Variants in PRKACA observed in about 807,000 individuals in gnomAD.
PRKACA encodes protein kinase cAMP-activated catalytic subunit alpha.
A neutral mutation model predicts 45.8 loss-of-function variants in PRKACA; 9 were observed. That is an observed-to-expected ratio of 0.20 (90% CI 0.12 to 0.34). PRKACA has a LOEUF of 0.34. Ranked by LOEUF, PRKACA falls within the 10% of genes least tolerant of loss-of-function variation. The probability of loss-of-function intolerance (pLI) is 1.00; values close to 1 mark genes in which losing one functional copy is unlikely to be tolerated. For missense variants in PRKACA, 238 were observed against 458.6 expected, an observed-to-expected ratio of 0.52 and a Z score of 4.39; for synonymous variants, 160 against 178.6, an observed-to-expected ratio of 0.90 and a Z score of 0.83.
At chr19:14,113,059 T>C (rs1967014513) in intron 1 of PRKACA, among the ~76,000 whole-genome samples, 1 of 152,156 alleles carries the variant, frequency 6.6e-6, no homozygotes, top group East Asian at 1.9e-4. Flanking sequence ...AGAAAATGGG[T>C]ATATCTGACT....
At position 14,107,659 on chromosome 19, in the gene PRKACA, G is replaced by A. The variant is rs374374343; in HGVS notation, c.47-250C>T. ...TCTCAGGGGTCACTCGCAGGGGAAC[G>A]GAGGGAGGTGCCCAGGCAGACCAGC... is the stretch of plus-strand genomic sequence containing the variant. On this transcript the variant is annotated intron_variant, in intron 1 of 9. Transcript: ENST00000308677. The A allele has an allele frequency of 1.7e-5, 23 of 1,315,680 alleles. No individual in the cohort carries two copies. The African/African-American group carries it at 2.2e-4, about 13-fold the overall frequency. 81.5% of individuals were successfully genotyped at this position (1,315,680 alleles called of 1,614,324 possible).
chr19:14,107,817 T>C, intron 1 of PRKACA: 3 of 998,420 alleles, frequency 3.0e-6, no homozygotes, highest in Non-Finnish European at 3.6e-6. Flanking sequence ...GATGGAGGCC[T>C]CGGGGGCTCG....
intron 2 of PRKACA, 47 bp downstream of exon 2, chr19:14,107,301 G>T (rs1487006735): frequency 6.4e-7 from 1 of 1,564,170 alleles, no homozygotes; most frequent in East Asian, 2.2e-5. Flanking sequence ...CAGGGGCTGG[G>T]GGTTAGCAGC....
intron 9 of PRKACA, 108 bp from the exon 10 acceptor site, chr19:14,093,345 C>T: frequency 7.1e-7 from 1 of 1,401,000 alleles, no homozygotes; most frequent in Non-Finnish European, 9.8e-7. Flanking sequence ...CTGACTCAGG[C>T]CTGTGCTTAC....
intron 1 of PRKACA, among the ~76,000 whole-genome samples, chr19:14,116,052 G>A (rs998311044): frequency 2.0e-5 from 3 of 152,156 alleles, no homozygotes; most frequent in African/African-American, 7.2e-5. Flanking sequence ...ATTTGAATCC[G>A]TATGGGAATA....
intron 8 of PRKACA, among the ~76,000 whole-genome samples, chr19:14,094,447 C>T (rs1230282968): frequency 6.6e-6 from 1 of 152,228 alleles, no homozygotes; most frequent in African/African-American, 2.4e-5. Context: ...CCTTGGCCTC[C>T]CAAAGTGTTG....
intron 2 of PRKACA, 111 bp downstream of exon 2, chr19:14,107,237 T>C: frequency 8.4e-7 from 1 of 1,183,454 alleles, no homozygotes; most frequent in Non-Finnish European, 1.2e-6. Flanking sequence ...ATGGGGAGGG[T>C]CTGAAGCCTT....
In PRKACA at chr19:14,093,107, T is replaced by C. The variant is rs1363059179; in HGVS notation, c.*5A>G. The C allele has an allele frequency of 6.7e-7, 1 of 1,490,846 alleles. No homozygotes were observed. The highest frequency in any genetic ancestry group is 2.0e-5 in the Admixed American group (1 of 50,894). The allele number at this position is 1,490,846 out of a possible 1,614,324, so 92.4% of individuals were successfully genotyped here. ...AAGAAAACCCATGGGGGCACAGGCA[T>C]GCCCCTAAAACTCAGAAAACTCCTT... is the stretch of plus-strand genomic sequence containing the variant. On this transcript the variant is annotated 3_prime_UTR_variant, in exon 10 of 10. Transcript: ENST00000308677.
At chr19:14,095,999 C>T (rs1012008954) in intron 8 of PRKACA, among the ~76,000 whole-genome samples, 1 of 150,384 alleles carries the variant, frequency 6.6e-6, no homozygotes, top group African/African-American at 2.5e-5. Context: ...GCTGGGAACA[C>T]AGGGGTGCAC....
chr19:14,106,964 TCTGCCACC>T, intron 2 of PRKACA, 76 bp from the exon 3 acceptor site: 1 of 1,566,174 alleles, frequency 6.4e-7, no homozygotes, highest in Non-Finnish European at 8.6e-7. Flanking sequence ...GGGCATCCCC[TCTGCCACC>T]GGCAGAGGGG....
At chr19:14,113,244 T>C (rs887881514) in intron 1 of PRKACA, among the ~76,000 whole-genome samples, 1 of 151,938 alleles carries the variant, frequency 6.6e-6, no homozygotes, top group Non-Finnish European at 1.5e-5. Flanking sequence ...ACCATCTTCC[T>C]CCTTCTTTCC....
rs542473678 is a variant in PRKACA at position 14,094,510 on chromosome 19, A to C, written c.766-718T>G. On this transcript the variant is annotated intron_variant, in intron 8 of 9. Transcript: ENST00000308677. ...GGCCCAAGAATCTGCATTTCTAACA[A>C]ATTCCCCAGCAATGGTGCTGCTGGA... Among the ~76,000 whole-genome samples the C allele has an allele frequency of 2.0e-5, 3 of 152,148 alleles. 1 individual carries two copies. In the South Asian group the frequency reaches 6.2e-4, roughly 32 times the overall value.
chr19:14,110,401 C>T (rs1966932842), intron 1 of PRKACA, among the ~76,000 whole-genome samples: 1 of 151,600 alleles, frequency 6.6e-6, no homozygotes, highest in South Asian at 2.1e-4. Context: ...AACATCAAAA[C>T]CCTCTACAAA....
chr19:14,112,427 A>T, intron 1 of PRKACA: 1 of 150,832 alleles, frequency 6.6e-6, no homozygotes, highest in East Asian at 1.9e-4. Flanking sequence ...CCACAGCTGG[A>T]AGGTGGTCTC....
intron 4 of PRKACA, 27 bp downstream of exon 4, chr19:14,102,789 C>A: frequency 3.1e-6 from 5 of 1,590,434 alleles, no homozygotes; most frequent in Non-Finnish European, 4.3e-6. Context: ...TGCAGTGACC[C>A]CCCGCCCTTG....
chr19:14,108,734 ATTTTTTT>A (rs1045155976), intron 1 of PRKACA, among the ~76,000 whole-genome samples: 1 of 131,648 alleles, frequency 7.6e-6, no homozygotes, highest in Non-Finnish European at 1.6e-5. Context: ...AATTATTATT[ATTTTTTT>A]TTTTGAGATG....
At chr19:14,107,972 C>G (rs1977662954) in intron 1 of PRKACA, 1 of 986,166 alleles carries the variant, frequency 1.0e-6, no homozygotes, top group African/African-American at 1.7e-5. Context: ...CCATGGTATC[C>G]CAAGGTGAAC....
chr19:14,100,034 G>A (rs1429259521), intron 5 of PRKACA, among the ~76,000 whole-genome samples: 1 of 151,722 alleles, frequency 6.6e-6, no homozygotes, highest in Non-Finnish European at 1.5e-5. Flanking sequence ...TAGTAGAGAC[G>A]GGGTTTCACC....
chr19:14,097,117 G>T lies in PRKACA; in HGVS notation c.765+244C>A. 1 of 543,118 alleles carries T rather than the reference G, an allele frequency of 1.8e-6. No individual in the cohort carries two copies. Among genetic ancestry groups the T allele is most frequent in the Non-Finnish European group, 3.3e-6 (1 of 305,636 alleles). The allele number at this position is 543,118 out of a possible 1,614,324, so 33.6% of individuals were successfully genotyped here. On this transcript the variant is annotated intron_variant, in intron 8 of 9. Coordinates refer to ENST00000308677, the MANE Select transcript of PRKACA (RefSeq NM_002730.4). The surrounding 1 kb of genome is among the most constrained non-coding windows in gnomAD (Gnocchi z 5.4). Reference sequence around the variant, plus strand: ...GCGGTTTGTGTTCTGTGGCCAAGATGTTCCCGTGAGGCTCGGGATTTTGGA... The same window carrying T: ...GCGGTTTGTGTTCTGTGGCCAAGATTTTCCCGTGAGGCTCGGGATTTTGGA...
Sources: gnomAD v4.1 joint callset for allele counts (sites outside exome capture counted in the v4.1 genomes callset) on GRCh38, gnomAD v4.1.1 for gene constraint, Gnocchi (gnomAD v3.1) non-coding constraint, MANE v1.5 for transcripts, NCBI Gene and HGNC (gene_info 2026-07-23, HGNC 2026-07-21) for gene names.